KRT7: variants seen among roughly 807,000 people sequenced by gnomAD.
KRT7 encodes keratin, type II cytoskeletal 7.
A neutral mutation model predicts 42.8 loss-of-function variants in KRT7; 50 were observed. That is an observed-to-expected ratio of 1.17 (90% CI 0.93 to 1.48). The LOEUF (loss-of-function observed/expected upper bound fraction) is 1.48. Ranked by LOEUF, KRT7 falls within the 40% of genes most tolerant of loss-of-function variation. The pLI, the probability that KRT7 is intolerant of heterozygous loss-of-function variation, is 0.00. For missense variants in KRT7, 588 were observed against 637.6 expected (o/e 0.92, Z 0.84); for synonymous variants, 268 against 266.3 (o/e 1.01, Z -0.06).
downstream of KRT7, among the ~76,000 whole-genome samples, chr12:52,254,891 A>T (rs1942317895): frequency 1.3e-5 from 2 of 152,188 alleles, no homozygotes. Flanking sequence ...GAGTCCAGGC[A>T]CTTGTACAGA....
intron 1 of KRT7, among the ~76,000 whole-genome samples, chr12:52,234,290 C>T (rs1349918144): frequency 6.6e-6 from 1 of 152,144 alleles, no homozygotes; most frequent in Non-Finnish European, 1.5e-5. Context: ...AGATATTTTT[C>T]CTGGCTGTTG....
chr12:52,233,770 C>T (rs1565715312), intron 1 of KRT7, 150 bp downstream of exon 1: 1 of 785,876 alleles, frequency 1.3e-6, no homozygotes. Context: ...ATCTGGGGGT[C>T]CTTCCTCCTT....
chr12:52,233,658 C>T, intron 1 of KRT7, 38 bp downstream of exon 1: 1 of 1,598,800 alleles, frequency 6.3e-7, no homozygotes, highest in South Asian at 1.1e-5. Context: ...TCGAGCCGCG[C>T]TCCAGACCAC....
chr12:52,240,210 T>C (rs889373340), intron 4 of KRT7, among the ~76,000 whole-genome samples: 1 of 152,312 alleles, frequency 6.6e-6, no homozygotes, highest in East Asian at 1.9e-4. Flanking sequence ...TTTCTTTTCA[T>C]GGTGAAAGTT....
At chr12:52,237,100 C>A (rs1942021619) in intron 2 of KRT7, among the ~76,000 whole-genome samples, 1 of 152,246 alleles carries the variant, frequency 6.6e-6, no homozygotes, top group Non-Finnish European at 1.5e-5. Context: ...CTCTGTGTCT[C>A]TGTTCCCTTC....
In KRT7 at chr12:52,248,768, C is replaced by T. The variant is rs1565723823; in HGVS notation, c.*8C>T. On this transcript the variant is annotated 3_prime_UTR_variant, in exon 9 of 9. Transcript: ENST00000331817. ...AGGAGTGCCCGCGACTGAGCCGCCT[C>T]CCACCACTCCACTCCTCCAGCCACC... The T allele has an allele frequency of 3.9e-6, 6 of 1,540,474 alleles. 1 individual carries two copies. The South Asian group carries it at 7.3e-5, about 19-fold the overall frequency.
rs1942000559 is a variant in KRT7, at chr12:52,235,437, GC to G, written c.536+72del. 4 of 1,335,716 alleles carry G rather than the reference GC, an allele frequency of 3.0e-6. No individual in the cohort carries two copies. In the Admixed American group the frequency reaches 8.8e-5, roughly 29 times the overall value. The allele number at this position is 1,335,716 out of a possible 1,614,324, so 82.7% of individuals were successfully genotyped here. On this transcript the variant is annotated intron_variant, in intron 2 of 8. Transcript: ENST00000331817. ...TGTGACCCTCATGAGCTGACCCTGT[GC>G]AAGTCCCCCTGCTTCAGGAATCAGC... is the stretch of plus-strand genomic sequence containing the variant.
At chr12:52,248,349 C>T (rs914151968) in intron 8 of KRT7, 138 bp downstream of exon 8, 10 of 975,728 alleles carry the variant, frequency 1.0e-5, no homozygotes, top group Admixed American at 2.1e-5. Context: ...ATTGACAGGT[C>T]CCCTGGAGCA....
downstream of KRT7, among the ~76,000 whole-genome samples, chr12:52,251,400 C>A (rs1228235295): frequency 6.6e-6 from 1 of 152,244 alleles, no homozygotes; most frequent in Non-Finnish European, 1.5e-5. Flanking sequence ...AAATCACACA[C>A]ACGAAAATCT....
At chr12:52,237,167 G>A (rs542045198) in intron 2 of KRT7, among the ~76,000 whole-genome samples, 1 of 152,302 alleles carries the variant, frequency 6.6e-6, no homozygotes, top group East Asian at 1.9e-4. Context: ...ATGAGCTCAT[G>A]CATAAGAAGC....
rs779887078 is a variant in KRT7 at position 52,248,693 on chromosome 12, G to A, written c.1343G>A (p.Gly448Asp). The change falls in exon 9 of 9, where the codon GGT (glycine) becomes GAT (aspartate). Residue 448 changes from glycine to aspartate, a missense_variant. By Grantham distance (94) the Gly-to-Asp change is moderately conservative. Transcript: ENST00000331817. ...SNALSFSSSA[G>D]PGLLKAYSIR... ...GCCCTGAGCTTCTCCAGCAGTGCGG[G>A]TCCTGGGCTCCTGAAGGCTTATTCC... The A allele has an allele frequency of 3.1e-6, 5 of 1,613,006 alleles. 1 individual carries two copies. The South Asian group carries it at 5.5e-5, about 18-fold the overall frequency.
downstream of KRT7, among the ~76,000 whole-genome samples, chr12:52,250,205 G>A (rs2047893197): frequency 1.3e-5 from 2 of 152,244 alleles, no homozygotes; most frequent in African/African-American, 4.8e-5. Flanking sequence ...CCTCCGGACC[G>A]GGGTCTTTAC....
intron 4 of KRT7, among the ~76,000 whole-genome samples, chr12:52,240,094 C>T (rs750028550): frequency 1.3e-5 from 2 of 152,164 alleles, no homozygotes; most frequent in Non-Finnish European, 2.9e-5. Context: ...AGGCTTGCTT[C>T]AGGCACTTCT....
chr12:52,241,697 C>G lies in KRT7; in HGVS notation c.858+61C>G, dbSNP rs1942094896. The G allele has an allele frequency of 5.5e-6, 8 of 1,458,088 alleles. No homozygotes were observed. In the South Asian group the frequency reaches 9.0e-5, roughly 16 times the overall value. The allele number at this position is 1,458,088 out of a possible 1,614,324, so 90.3% of individuals were successfully genotyped here. A position where few individuals can be genotyped will look rare whatever the true frequency, so the allele number is the denominator to read the frequency against. ...GGGTCCTTGGTGGCAGCTTCCCTTA[C>G]TCCTCAACTTGTCTCAAGCCTTCAG... On this transcript the variant is annotated intron_variant, in intron 5 of 8. Transcript: ENST00000331817.
chr12:52,237,345 G>A (rs1027895447), intron 2 of KRT7, among the ~76,000 whole-genome samples, 164 bp from the exon 3 acceptor site: 4 of 152,146 alleles, frequency 2.6e-5, no homozygotes, highest in Non-Finnish European at 5.9e-5. Flanking sequence ...TGGCCGCGTG[G>A]AAGTCAGGGA....
chr12:52,243,353 G>A, intron 6 of KRT7: 3 of 528,008 alleles, frequency 5.7e-6, no homozygotes, highest in Non-Finnish European at 9.7e-6. Flanking sequence ...CACAGAGCCT[G>A]TGGAGGGAGA....
chr12:52,242,469 G>A (rs1942106868), intron 5 of KRT7, among the ~76,000 whole-genome samples: 1 of 152,146 alleles, frequency 6.6e-6, no homozygotes, highest in Non-Finnish European at 1.5e-5. Flanking sequence ...AGCAGGAGTG[G>A]GTGCTGGGGT....
chr12:52,234,130 G>A (rs1472666524), intron 1 of KRT7, among the ~76,000 whole-genome samples: 1 of 149,554 alleles, frequency 6.7e-6, no homozygotes, highest in African/African-American at 2.5e-5. Context: ...GCGGGGGAGG[G>A]GGGGGGGCTC....
At chr12:52,244,451 C>CG in intron 6 of KRT7, 1 of 985,754 alleles carries the variant, frequency 1.0e-6, no homozygotes, top group Non-Finnish European at 1.2e-6. Context: ...CCAGAGGCAG[C>CG]GGGGATGGCG....
Sources: allele counts gnomAD v4.1 joint callset (sites outside exome capture counted in the v4.1 genomes callset), GRCh38; gene constraint gnomAD v4.1.1; transcripts MANE v1.5; gene names NCBI Gene and HGNC (gene_info 2026-07-23, HGNC 2026-07-21).